Variants in CCDC170 observed in about 807,000 individuals in gnomAD.
CCDC170 encodes the protein coiled-coil domain containing 170.
A neutral mutation model predicts 72.6 loss-of-function variants in CCDC170; 69 were observed. That is an observed-to-expected ratio of 0.95 (90% CI 0.78 to 1.16). The LOEUF (loss-of-function observed/expected upper bound fraction) is 1.16. Ranked by LOEUF, CCDC170 falls within the 50% of genes most tolerant of loss-of-function variation. The pLI, the probability that CCDC170 is intolerant of heterozygous loss-of-function variation, is 0.00. For synonymous variants in CCDC170, 300 were observed against 303.9 expected (o/e 0.99, Z 0.13); for missense variants, 852 against 832.5 (o/e 1.02, Z -0.29).
intron 6 of CCDC170, among the ~76,000 whole-genome samples, chr6:151,583,874 C>T (rs1171158879): frequency 6.6e-6 from 1 of 152,096 alleles, no homozygotes; most frequent in African/African-American, 2.4e-5. Flanking sequence ...GTGGGGTCAG[C>T]CAGTTAGTGG....
Position 151,584,393 on chromosome 6 carries a change from T to A in CCDC170, c.1093-1496T>A, listed in dbSNP as rs916722477. Among the ~76,000 whole-genome samples, 57 of 152,170 alleles carry A rather than the reference T, an allele frequency of 3.7e-4. 1 individual carries two copies. Among genetic ancestry groups the A allele is most frequent in the Admixed American group, 3.5e-3 (54 of 15,280 alleles). On this transcript the variant is annotated intron_variant, in intron 6 of 10. Transcript: ENST00000239374. Reference sequence around the variant, plus strand: ...CCTTTCTTAGAAAGGAATGCTTAAGTGAATGATGACACATTCTCATGATGA... The same window carrying A: ...CCTTTCTTAGAAAGGAATGCTTAAGAGAATGATGACACATTCTCATGATGA...
intron 7 of CCDC170, among the ~76,000 whole-genome samples, chr6:151,592,622 C>T (rs1466289059): frequency 1.3e-5 from 2 of 152,056 alleles, no homozygotes; most frequent in Non-Finnish European, 2.9e-5. Context: ...GGGAAACTGC[C>T]CCCATGATTC....
intron 4 of CCDC170, among the ~76,000 whole-genome samples, chr6:151,545,157 C>T (rs1314241717): frequency 2.6e-5 from 4 of 152,152 alleles, no homozygotes; most frequent in Admixed American, 6.5e-5. Context: ...CGGTGACTCA[C>T]GCCTGTAATC....
intron 1 of CCDC170, among the ~76,000 whole-genome samples, chr6:151,532,543 G>T (rs558021302): frequency 1.3e-5 from 2 of 151,636 alleles, no homozygotes; most frequent in Admixed American, 1.3e-4. Flanking sequence ...GGAGGTGAAA[G>T]TTGCAGTGAG....
At chr6:151,519,812 G>A (rs1304408787) in intron 1 of CCDC170, among the ~76,000 whole-genome samples, 1 of 152,160 alleles carries the variant, frequency 6.6e-6, no homozygotes, top group Non-Finnish European at 1.5e-5. Context: ...CATGACATTT[G>A]AAAATCGTTA....
chr6:151,591,634 A>G (rs1776536504), intron 7 of CCDC170, among the ~76,000 whole-genome samples: 1 of 151,904 alleles, frequency 6.6e-6, no homozygotes, highest in South Asian at 2.1e-4. Flanking sequence ...AGCTGGGACT[A>G]CAGGTGCCCG....
In CCDC170 at chr6:151,615,613, A is replaced by G. The variant is rs765863321; in HGVS notation, c.1881A>G (p.Glu627=). ...ENKERARNMI[E]VVTSEMKTLK... The stretch of plus-strand genomic sequence containing the variant: ...AAGAAAGGGCCAGAAACATGATAGA[A>G]GTGGTAACCAGTGAAATGAAGACAC... The change falls in exon 10 of 11, where the codon GAA becomes GAG. Residue 627 remains glutamate, a synonymous_variant. Coordinates refer to ENST00000239374, the MANE Select transcript of CCDC170 (RefSeq NM_025059.4). 1 of 1,614,146 alleles carries G rather than the reference A, an allele frequency of 6.2e-7. No individual in the cohort carries two copies. Among genetic ancestry groups the G allele is most frequent in the Non-Finnish European group, 8.5e-7 (1 of 1,179,986 alleles).
At chr6:151,525,776 A>T (rs1254959671) in intron 1 of CCDC170, among the ~76,000 whole-genome samples, 1 of 152,214 alleles carries the variant, frequency 6.6e-6, no homozygotes, top group East Asian at 1.9e-4. Flanking sequence ...ACTATAGTTA[A>T]CTAATTCATG....
chr6:151,504,498 G>A (rs150604209), intron 1 of CCDC170, among the ~76,000 whole-genome samples: 2,176 of 151,946 alleles, frequency 0.014, 54 homozygotes, highest in African/African-American at 0.05. Flanking sequence ...AAAATAATTG[G>A]TAATAAATAA....
chr6:151,511,371 G>A (rs1782147741), intron 1 of CCDC170, among the ~76,000 whole-genome samples: 3 of 152,150 alleles, frequency 2.0e-5, no homozygotes, highest in Admixed American at 2.0e-4. Flanking sequence ...TGCTAACCCT[G>A]TAAAGTGACC....
intron 1 of CCDC170, among the ~76,000 whole-genome samples, chr6:151,535,798 T>C (rs968664206): frequency 6.6e-6 from 1 of 152,078 alleles, no homozygotes; most frequent in Non-Finnish European, 1.5e-5. Flanking sequence ...TGGGCTGGGG[T>C]GCAGTGGTGC....
intron 1 of CCDC170, among the ~76,000 whole-genome samples, chr6:151,532,791 A>G (rs1214079227): frequency 1.3e-5 from 2 of 152,212 alleles, no homozygotes; most frequent in Admixed American, 6.5e-5. Flanking sequence ...TGAATTTCAT[A>G]TGGGAAAATG....
chr6:151,514,018 G>T (rs1782191203), intron 1 of CCDC170, among the ~76,000 whole-genome samples: 1 of 150,764 alleles, frequency 6.6e-6, no homozygotes, highest in South Asian at 2.1e-4. Context: ...TCATCGATTA[G>T]ACAATCACAG....
At chr6:151,540,811 A>G (rs374480734) in intron 3 of CCDC170, among the ~76,000 whole-genome samples, 1 of 152,094 alleles carries the variant, frequency 6.6e-6, no homozygotes, top group Non-Finnish European at 1.5e-5. Flanking sequence ...ACTTCAACAT[A>G]TGAATTCTCA....
intron 5 of CCDC170, among the ~76,000 whole-genome samples, chr6:151,568,909 T>C (rs1028540289): frequency 1.3e-5 from 2 of 152,352 alleles, no homozygotes; most frequent in African/African-American, 4.8e-5. Flanking sequence ...TCATTTTCTA[T>C]ATTTAGTAAC....
intron 1 of CCDC170, among the ~76,000 whole-genome samples, chr6:151,528,093 A>G (rs1782439327): frequency 6.6e-6 from 1 of 152,220 alleles, no homozygotes; most frequent in Non-Finnish European, 1.5e-5. Flanking sequence ...GACAATTTCA[A>G]TCATTATCAT....
At chr6:151,590,439 A>T (rs1445244576) in intron 7 of CCDC170, among the ~76,000 whole-genome samples, 1 of 152,238 alleles carries the variant, frequency 6.6e-6, no homozygotes, top group Non-Finnish European at 1.5e-5. Context: ...AAAGCAAATT[A>T]TGTAAGCTAA....
chr6:151,517,920 C>CTT (rs530942070), intron 1 of CCDC170, among the ~76,000 whole-genome samples: 2 of 144,662 alleles, frequency 1.4e-5, no homozygotes, highest in African/African-American at 2.5e-5. Flanking sequence ...CCATTTGCTT[C>CTT]TTTTTTTTTT....
chr6:151,607,138 T>C (rs976410619), intron 9 of CCDC170, among the ~76,000 whole-genome samples: 4 of 152,156 alleles, frequency 2.6e-5, no homozygotes, highest in African/African-American at 9.7e-5. Context: ...ATTTTGTTGT[T>C]TGTTTGTGGT....
Sources: allele counts gnomAD v4.1 joint callset (sites outside exome capture counted in the v4.1 genomes callset), GRCh38; gene constraint gnomAD v4.1.1; transcripts MANE v1.5; gene names NCBI Gene and HGNC (gene_info 2026-07-23, HGNC 2026-07-21).